NRXN1: variants seen among roughly 807,000 people sequenced by gnomAD.
The protein encoded by NRXN1 is neurexin-1.
A neutral mutation model predicts 150.9 loss-of-function variants in NRXN1; 39 were observed. The ratio of observed to expected loss-of-function variants is 0.26; its 90% CI spans 0.20 to 0.34. The LOEUF is 0.34. Ranked by LOEUF, NRXN1 falls within the 10% of genes least tolerant of loss-of-function variation. NRXN1 has a pLI of 1.00. For missense variants in NRXN1, 1,815 were observed against 1,949.9 expected (o/e 0.93, Z 1.30); for synonymous variants, 924 against 757.0 (o/e 1.22, Z -3.62).
At chr2:50,557,239 T>A (rs2105369565) in intron 8 of NRXN1, among the ~76,000 whole-genome samples, 1 of 152,322 alleles carries the variant, frequency 6.6e-6, no homozygotes, top group South Asian at 2.1e-4. Context: ...AATGACTTTT[T>A]AAAATAAATA....
chr2:50,090,470 G>T (rs1479476216), intron 19 of NRXN1, among the ~76,000 whole-genome samples: 1 of 152,068 alleles, frequency 6.6e-6, no homozygotes, highest in Non-Finnish European at 1.5e-5. Flanking sequence ...AGAGAAATGA[G>T]ACTGATGCTT....
chr2:50,667,632 T>C (rs1258244883), intron 5 of NRXN1, among the ~76,000 whole-genome samples: 1 of 152,006 alleles, frequency 6.6e-6, no homozygotes, highest in Non-Finnish European at 1.5e-5. Context: ...ATCCATCCTT[T>C]AATGCTCAGC....
At chr2:50,205,081 GA>G (rs978053369) in intron 18 of NRXN1, among the ~76,000 whole-genome samples, 1 of 152,060 alleles carries the variant, frequency 6.6e-6, no homozygotes, top group Admixed American at 6.6e-5. Context: ...ATTATGCTTA[GA>G]AAGGTTAAGC....
intron 8 of NRXN1, among the ~76,000 whole-genome samples, chr2:50,581,538 A>G (rs1019294457): frequency 1.3e-5 from 2 of 152,216 alleles, no homozygotes; most frequent in African/African-American, 2.4e-5. Flanking sequence ...TTTGCAACCA[A>G]TAAGTATGGG....
At chr2:50,369,674 C>G (rs1435065942) in intron 17 of NRXN1, among the ~76,000 whole-genome samples, 1 of 151,994 alleles carries the variant, frequency 6.6e-6, no homozygotes, top group Non-Finnish European at 1.5e-5. Context: ...ACCTACATAT[C>G]TGAAGCTAAC....
chr2:51,014,401 C>A (rs960537604), intron 2 of NRXN1, among the ~76,000 whole-genome samples: 7 of 151,874 alleles, frequency 4.6e-5, no homozygotes, highest in African/African-American at 1.7e-4. Context: ...TTTATTTCCA[C>A]TGAAGACATA....
intron 19 of NRXN1, among the ~76,000 whole-genome samples, chr2:50,076,993 A>T (rs915916436): frequency 6.6e-6 from 1 of 152,206 alleles, no homozygotes; most frequent in Non-Finnish European, 1.5e-5. Context: ...GCAGCATTGC[A>T]TAATCCTACA....
At chr2:50,772,750 A>G (rs1703162045) in intron 5 of NRXN1, among the ~76,000 whole-genome samples, 1 of 152,140 alleles carries the variant, frequency 6.6e-6, no homozygotes, top group Non-Finnish European at 1.5e-5. Context: ...CAATGTCCAC[A>G]CAGAGGTAAC....
chr2:50,344,054 G>T (rs923957774), intron 17 of NRXN1, among the ~76,000 whole-genome samples: 5 of 152,120 alleles, frequency 3.3e-5, no homozygotes, highest in African/African-American at 1.2e-4. Context: ...TTAGGCTCAA[G>T]GGTTCTTTAC....
At chr2:50,160,112 T>C (rs568572220) in intron 18 of NRXN1, among the ~76,000 whole-genome samples, 3 of 152,052 alleles carry the variant, frequency 2.0e-5, no homozygotes, top group African/African-American at 4.8e-5. Context: ...CAAACCTTCA[T>C]GGCTTTTTGA....
chr2:50,937,347 T>C (rs148263569), intron 2 of NRXN1, among the ~76,000 whole-genome samples: 73 of 152,300 alleles, frequency 4.8e-4, no homozygotes, highest in African/African-American at 1.7e-3. Flanking sequence ...TTAATAAATA[T>C]GTGTTATAAA....
At chr2:50,260,426 T>A (rs1227635548) in intron 17 of NRXN1, among the ~76,000 whole-genome samples, 1 of 151,846 alleles carries the variant, frequency 6.6e-6, no homozygotes, top group Non-Finnish European at 1.5e-5. Flanking sequence ...ATCCTTTTAG[T>A]AAGATGTAGG....
intron 17 of NRXN1, among the ~76,000 whole-genome samples, chr2:50,357,460 C>A (rs1037887246): frequency 6.6e-6 from 1 of 151,948 alleles, no homozygotes; most frequent in Non-Finnish European, 1.5e-5. Flanking sequence ...AAGCATGTGC[C>A]ACCATGCCCG....
chr2:50,944,413 T>C (rs1178397997), intron 2 of NRXN1, among the ~76,000 whole-genome samples: 1 of 152,128 alleles, frequency 6.6e-6, no homozygotes, highest in Non-Finnish European at 1.5e-5. Flanking sequence ...ATGGAGATAA[T>C]AGAATCTACT....
At chr2:50,865,034 G>T (rs1676684303) in intron 5 of NRXN1, among the ~76,000 whole-genome samples, 1 of 151,810 alleles carries the variant, frequency 6.6e-6, no homozygotes, top group Non-Finnish European at 1.5e-5. Context: ...CTTTAAGAAT[G>T]TATAAGAGGA....
At chr2:50,428,769 G>A (rs1163211674) in intron 17 of NRXN1, among the ~76,000 whole-genome samples, 3 of 152,160 alleles carry the variant, frequency 2.0e-5, no homozygotes, top group Admixed American at 1.3e-4. Context: ...CCTATGCTAA[G>A]AGGTTTACAT....
chr2:50,361,833 C>T lies in NRXN1; in HGVS notation c.3364+103609G>A, dbSNP rs182282622. On this transcript the variant is annotated intron_variant, in intron 17 of 22. Transcript: ENST00000401669. ...TCAGGCCAATATCCCTGATGAACAT[C>T]GATGCGAAAATCCTCAATAAAATAC... Among the ~76,000 whole-genome samples the T allele has an allele frequency of 3.9e-3, 596 of 152,198 alleles. 3 individuals are homozygous for T. Among genetic ancestry groups the T allele is most frequent in the Non-Finnish European group, 5.1e-3 (348 of 68,004 alleles).
At chr2:50,646,022 T>C (rs952294248) in intron 5 of NRXN1, among the ~76,000 whole-genome samples, 2 of 151,922 alleles carry the variant, frequency 1.3e-5, no homozygotes, top group African/African-American at 4.8e-5. Flanking sequence ...GATGGTTTGG[T>C]TTCTAGGACT....
At chr2:50,391,764 T>C (rs1003341006) in intron 17 of NRXN1, among the ~76,000 whole-genome samples, 10 of 152,220 alleles carry the variant, frequency 6.6e-5, no homozygotes, top group Admixed American at 2.0e-4. Context: ...AGAATAAGAA[T>C]TAAAATGGTC....
Sources: allele counts gnomAD v4.1 joint callset (sites outside exome capture counted in the v4.1 genomes callset), GRCh38; gene constraint gnomAD v4.1.1; transcripts MANE v1.5; gene names NCBI Gene and HGNC (gene_info 2026-07-23, HGNC 2026-07-21).